The following ATP13A4 variants were observed in gnomAD, a reference collection of about 807,000 sequenced individuals.
ATP13A4 encodes the protein probable cation-transporting ATPase 13A4.
ATP13A4 carries 114 observed loss-of-function variants against 142.5 expected under a neutral mutation model. The ratio of observed to expected loss-of-function variants is 0.80; its 90% CI spans 0.69 to 0.93. The LOEUF is 0.93. Among genes scored for constraint, ATP13A4 ranks in the 40% least tolerant of loss-of-function variants. The pLI is 0.00. For missense variants in ATP13A4, 1,392 were observed against 1,454.0 expected, an observed-to-expected ratio of 0.96 and a Z score of 0.69; for synonymous variants, 488 against 514.8, an observed-to-expected ratio of 0.95 and a Z score of 0.70.
At chr3:193,432,117 C>T (rs1005796308) in intron 25 of ATP13A4, among the ~76,000 whole-genome samples, 8 of 86,838 alleles carry the variant, frequency 9.2e-5, no homozygotes, top group African/African-American at 2.1e-4. Flanking sequence ...ATCTAGTAAA[C>T]AAGAGAAAGG....
Position 193,464,566 on chromosome 3 carries a change from CACTA to C in ATP13A4, c.1461+370_1461+373del, listed in dbSNP as rs1718152573. 4.6e-5 allele frequency among the ~76,000 whole-genome samples: 7 copies of C among 152,246 alleles called. No individual in the cohort carries two copies. In the East Asian group the frequency reaches 1.3e-3, roughly 29 times the overall value. ...ATTAATTCAATCGATATTTATTGCA[CACTA>C]ACTATATGCCAGGCAATATTCTCAG... On this transcript the variant is annotated intron_variant, in intron 12 of 29. Transcript: ENST00000342695.
At chr3:193,573,053 GA>G (rs1724304146) in intron 2 of ATP13A4, among the ~76,000 whole-genome samples, 1 of 136,402 alleles carries the variant, frequency 7.3e-6, no homozygotes, top group Non-Finnish European at 1.6e-5. Context: ...GGGTTGGGGG[GA>G]GGGGAGTAAG....
chr3:193,466,509 C>A (rs1718296768), intron 10 of ATP13A4, among the ~76,000 whole-genome samples: 1 of 152,216 alleles, frequency 6.6e-6, no homozygotes, highest in South Asian at 2.1e-4. Context: ...CACGCACACA[C>A]ATGTCACTGA....
chr3:193,439,737 G>C (rs1716513318), intron 21 of ATP13A4, among the ~76,000 whole-genome samples: 1 of 152,140 alleles, frequency 6.6e-6, no homozygotes, highest in African/African-American at 2.4e-5. Flanking sequence ...TAAATTATGA[G>C]CATTCTGACA....
chr3:193,448,174 T>G lies in ATP13A4; in HGVS notation c.2152+32A>C, dbSNP rs747532559. ...CCATGTCTATTTCCACATCAAATTCTTACTGTTTTCACTGTATACTTTGTT... is the reference window on the plus strand; with the variant it reads ...CCATGTCTATTTCCACATCAAATTCGTACTGTTTTCACTGTATACTTTGTT... On this transcript the variant is annotated intron_variant, in intron 18 of 29. Coordinates refer to ENST00000342695, the MANE Select transcript of ATP13A4 (RefSeq NM_032279.4). The G allele has an allele frequency of 2.5e-6, 4 of 1,612,488 alleles. No individual in the cohort carries two copies. In the Admixed American group the frequency reaches 6.7e-5, roughly 27 times the overall value.
chr3:193,520,109 T>C (rs1721641062), intron 1 of ATP13A4, among the ~76,000 whole-genome samples: 1 of 152,116 alleles, frequency 6.6e-6, no homozygotes, highest in South Asian at 2.1e-4. Context: ...AATAAATACT[T>C]GCTGAATCAA....
intron 1 of ATP13A4, among the ~76,000 whole-genome samples, chr3:193,585,288 C>T (rs545387906): frequency 1.3e-5 from 2 of 152,002 alleles, no homozygotes; most frequent in African/African-American, 4.8e-5. Context: ...GGTGTGGTGG[C>T]AGGCACCTAT....
intron 1 of ATP13A4, among the ~76,000 whole-genome samples, chr3:193,519,696 G>A (rs932355132): frequency 1.5e-5 from 2 of 135,498 alleles, no homozygotes; most frequent in Admixed American, 7.8e-5. Flanking sequence ...CCAGGCTGGA[G>A]TGCAGTGGCG....
At chr3:193,578,999 G>C (rs1724471194) in intron 2 of ATP13A4, 1 of 201,384 alleles carries the variant, frequency 5.0e-6, no homozygotes, top group South Asian at 1.1e-4. Context: ...CTGTGTGTAA[G>C]GCAGAAGGGC....
chr3:193,430,596 T>C (rs2108615076), intron 25 of ATP13A4, among the ~76,000 whole-genome samples: 1 of 152,088 alleles, frequency 6.6e-6, no homozygotes, highest in South Asian at 2.1e-4. Flanking sequence ...ATATGAATAA[T>C]GAAAAAAGTC....
At chr3:193,572,495 G>T (rs1372857682) in intron 2 of ATP13A4, among the ~76,000 whole-genome samples, 1 of 152,200 alleles carries the variant, frequency 6.6e-6, no homozygotes, top group African/African-American at 2.4e-5. Context: ...TTTGGATCTA[G>T]ATGGATGGTA....
Position 193,400,724 on chromosome 3 carries a change from C to A in ATP13A4, c.*1928G>T, listed in dbSNP as rs62285689. ...TGTTCAGTCATGGGACAATTGGTAC[C>A]ATTCAGGTGAGTTAGTGGAGGTGAA... is the stretch of plus-strand genomic sequence containing the variant. On this transcript the variant is annotated 3_prime_UTR_variant, in exon 30 of 30. Transcript: ENST00000342695. Among the ~76,000 whole-genome samples the A allele has an allele frequency of 0.29, 43,677 of 151,950 alleles. 6,511 individuals are homozygous for A. Among genetic ancestry groups the A allele is most frequent in the Middle Eastern group, 0.35 (103 of 292 alleles).
Position 193,414,693 on chromosome 3 carries a change from A to G in ATP13A4, c.2900T>C (p.Ile967Thr). ...CACAGAGAGTAGCAGAGGTGGAGAGATCAGCCGTCCTGCAGGTCTGAAAGG... is the reference window on the plus strand; with the variant it reads ...CACAGAGAGTAGCAGAGGTGGAGAGGTCAGCCGTCCTGCAGGTCTGAAAGG... The part of the protein sequence containing the change: ...LVPFRPAGRL[I>T]SPPLLLSVIF... The change falls in exon 26 of 30, where the codon ATC becomes ACC. Residue 967 changes from isoleucine (I) to threonine (T), a missense_variant. By Grantham distance (89) the Ile-to-Thr change is moderately conservative (BLOSUM62 -1). Coordinates refer to ENST00000342695, the MANE Select transcript of ATP13A4 (RefSeq NM_032279.4). 1 of 1,614,168 alleles carries G rather than the reference A, an allele frequency of 6.2e-7. No individual in the cohort carries two copies. The highest frequency in any genetic ancestry group is 1.7e-4 in the Middle Eastern group (1 of 6,054).
At chr3:193,531,947 A>G (rs571479537) in intron 1 of ATP13A4, among the ~76,000 whole-genome samples, 4 of 152,192 alleles carry the variant, frequency 2.6e-5, no homozygotes, top group Non-Finnish European at 5.9e-5. Flanking sequence ...ATTATGAGAA[A>G]ATAATTCCTT....
chr3:193,504,020 TGAGAGA>T (rs1553851730), intron 2 of ATP13A4, among the ~76,000 whole-genome samples: 5 of 144,212 alleles, frequency 3.5e-5, no homozygotes, highest in Admixed American at 2.1e-4. Context: ...TGTGTGTGTG[TGAGAGA>T]GAGAGAGAGA....
At chr3:193,533,162 T>C (rs985184621) in intron 1 of ATP13A4, among the ~76,000 whole-genome samples, 1 of 152,152 alleles carries the variant, frequency 6.6e-6, no homozygotes, top group Admixed American at 6.5e-5. Flanking sequence ...GGAAGATTGC[T>C]TGAGGCCAAG....
At chr3:193,427,759 C>G (rs1229105971) in intron 25 of ATP13A4, among the ~76,000 whole-genome samples, 1 of 152,100 alleles carries the variant, frequency 6.6e-6, no homozygotes, top group Non-Finnish European at 1.5e-5. Context: ...GAAACTGGAT[C>G]CCTTCCTTAC....
intron 7 of ATP13A4, among the ~76,000 whole-genome samples, chr3:193,485,131 G>C (rs991080603): frequency 1.3e-5 from 2 of 151,182 alleles, no homozygotes; most frequent in African/African-American, 4.9e-5. Flanking sequence ...AGAAAGCAAG[G>C]GAAATGCTGG....
chr3:193,424,526 A>G (rs975614677), intron 25 of ATP13A4, among the ~76,000 whole-genome samples: 1 of 149,528 alleles, frequency 6.7e-6, no homozygotes, highest in Non-Finnish European at 1.5e-5. Flanking sequence ...AAATAAAAAC[A>G]TCTACAGTCA....
Sources: gnomAD v4.1 joint callset for allele counts (sites outside exome capture counted in the v4.1 genomes callset) on GRCh38, gnomAD v4.1.1 for gene constraint, MANE v1.5 for transcripts, NCBI Gene and HGNC (gene_info 2026-07-23, HGNC 2026-07-21) for gene names.